PAX5: variants seen among roughly 807,000 people sequenced by gnomAD.
PAX5 encodes paired box 5.
In PAX5, 9 loss-of-function variants were observed where a neutral mutation model predicts 43.7. The observed-to-expected ratio is 0.21, with a 90% CI of 0.12 to 0.36. The LOEUF (loss-of-function observed/expected upper bound fraction) is 0.36, where lower values mean the gene tolerates loss of function less well. PAX5 is among the 10% of genes least tolerant of loss of function. PAX5 has a pLI of 1.00. For missense variants in PAX5, 383 were observed against 532.7 expected, an observed-to-expected ratio of 0.72 and a Z score of 2.77; for synonymous variants, 228 against 214.3, an observed-to-expected ratio of 1.06 and a Z score of -0.56.
At chr9:37,014,280 T>C (rs1345439037) in intron 3 of PAX5, among the ~76,000 whole-genome samples, 2 of 152,250 alleles carry the variant, frequency 1.3e-5, no homozygotes, top group Non-Finnish European at 2.9e-5. Flanking sequence ...AGGAAGATCC[T>C]GTGCATGACT....
rs185396177 is a variant in PAX5 at position 36,933,475 on chromosome 9, G to A, written c.781-9991C>T. Among the ~76,000 whole-genome samples, 468 of 152,290 alleles carry A rather than the reference G, an allele frequency of 3.1e-3. 3 individuals carry two copies. Among genetic ancestry groups the A allele is most frequent in the Middle Eastern group, 6.8e-3 (2 of 294 alleles). On this transcript the variant is annotated intron_variant, in intron 6 of 9. Transcript: ENST00000358127. ...TCCTTGCAGGTCCGTGGTGCCCCGG[G>A]AGTCCTGGGATGTGGACAGATGCAG...
intron 1 of PAX5, among the ~76,000 whole-genome samples, chr9:37,022,211 C>A (rs1157799762): frequency 6.6e-6 from 1 of 152,204 alleles, no homozygotes; most frequent in Admixed American, 6.5e-5. Flanking sequence ...TACTTAGTTG[C>A]AGTTCTAAGC....
At chr9:37,013,545 G>T (rs370629158) in intron 3 of PAX5, among the ~76,000 whole-genome samples, 1 of 152,124 alleles carries the variant, frequency 6.6e-6, no homozygotes, top group Admixed American at 6.5e-5. Flanking sequence ...CCCGCAAAGA[G>T]CCAGAAGTAA....
Sources: gnomAD v4.1 joint callset for allele counts (sites outside exome capture counted in the v4.1 genomes callset) on GRCh38, gnomAD v4.1.1 for gene constraint, MANE v1.5 for transcripts, NCBI Gene and HGNC (gene_info 2026-07-23, HGNC 2026-07-21) for gene names.